The following ABCC5 variants were observed in gnomAD, a reference collection of about 807,000 sequenced individuals.
ABCC5 encodes the protein ATP-binding cassette sub-family C member 5.
ABCC5 carries 61 observed loss-of-function variants against 160.9 expected under a neutral mutation model. That is an observed-to-expected ratio of 0.38 (90% CI 0.31 to 0.47). The LOEUF (loss-of-function observed/expected upper bound fraction) is 0.47, where lower values mean the gene tolerates loss of function less well. ABCC5 is among the 20% of genes least tolerant of loss of function. The pLI is 0.99. For synonymous variants in ABCC5, 666 were observed against 700.6 expected (o/e 0.95, Z 0.78); for missense variants, 1,308 against 1,813.3 (o/e 0.72, Z 5.06).
chr3:183,968,167 C>G (rs1017550792), intron 11 of ABCC5, among the ~76,000 whole-genome samples: 2 of 152,026 alleles, frequency 1.3e-5, no homozygotes, highest in African/African-American at 4.8e-5. Flanking sequence ...CTTGCTCTGT[C>G]AACCAGGCTG....
chr3:183,945,623 A>T (rs1249832462), intron 24 of ABCC5, among the ~76,000 whole-genome samples: 1 of 152,234 alleles, frequency 6.6e-6, no homozygotes, highest in Admixed American at 6.5e-5. Flanking sequence ...ACATTCTGGA[A>T]ATTAGCCAAT....
chr3:183,922,953 A>G (rs1445209501), intron 29 of ABCC5, among the ~76,000 whole-genome samples: 1 of 152,066 alleles, frequency 6.6e-6, no homozygotes, highest in South Asian at 2.1e-4. Flanking sequence ...ACAAAAACCA[A>G]CCCATGTGGG....
At chr3:183,956,255 A>T (rs13097299) in intron 17 of ABCC5, among the ~76,000 whole-genome samples, 305 of 72,242 alleles carry the variant, frequency 4.2e-3, no homozygotes, top group South Asian at 4.9e-3. Flanking sequence ...TCCGTGTGTA[A>T]ATCACATCGG....
chr3:183,987,573 T>C lies in ABCC5; in HGVS notation c.591+197A>G. The C allele has an allele frequency of 1.4e-6, 1 of 703,952 alleles. No homozygotes were observed. Among genetic ancestry groups the C allele is most frequent in the Non-Finnish European group, 2.4e-6 (1 of 409,330 alleles). 43.6% of individuals were successfully genotyped at this position (703,952 alleles called of 1,614,324 possible). On this transcript the variant is annotated intron_variant, in intron 5 of 29. Transcript: ENST00000334444. The surrounding 1 kb of genome is among the most constrained non-coding windows in gnomAD (Gnocchi z 4.2). ...CACCCAGAAATCAAGCCAGTTCCAT[T>C]TCTTCTCTGGCAACACTGCCCTTTC...
At chr3:183,977,838 C>T (rs1028532385) in intron 9 of ABCC5, among the ~76,000 whole-genome samples, 1 of 152,072 alleles carries the variant, frequency 6.6e-6, no homozygotes, top group Non-Finnish European at 1.5e-5. Context: ...CTGCAACTTC[C>T]ACCTCCCAGG....
At chr3:183,934,130 A>AC (rs1713451274) in intron 26 of ABCC5, among the ~76,000 whole-genome samples, 3 of 152,184 alleles carry the variant, frequency 2.0e-5, no homozygotes, top group Non-Finnish European at 4.4e-5. Context: ...ACATGGTGAA[A>AC]CCCCGTCTCT....
intron 28 of ABCC5, among the ~76,000 whole-genome samples, 164 bp downstream of exon 28, chr3:183,927,166 C>G (rs1246715234): frequency 6.6e-6 from 1 of 152,160 alleles, no homozygotes; most frequent in Non-Finnish European, 1.5e-5. Context: ...TCCCCAGAAC[C>G]AATATACCCA....
At chr3:183,938,915 A>G (rs1323070457) in intron 25 of ABCC5, among the ~76,000 whole-genome samples, 2 of 152,242 alleles carry the variant, frequency 1.3e-5, no homozygotes, top group Admixed American at 1.3e-4. Flanking sequence ...CTACTGTGAT[A>G]GGAAACTATG....
At chr3:183,957,911 C>T (rs1199775414) in intron 17 of ABCC5, among the ~76,000 whole-genome samples, 3 of 148,882 alleles carry the variant, frequency 2.0e-5, no homozygotes, top group Non-Finnish European at 3.0e-5. Flanking sequence ...CATGCGGATC[C>T]GTGTGTATAT....
chr3:183,968,058 C>A (rs1717389371), intron 11 of ABCC5, among the ~76,000 whole-genome samples: 1 of 152,178 alleles, frequency 6.6e-6, no homozygotes, highest in African/African-American at 2.4e-5. Context: ...CTGCTGCTAA[C>A]CCATGTTCTT....
At chr3:184,012,393 G>C (rs9870759) in intron 2 of ABCC5, among the ~76,000 whole-genome samples, 1,625 of 152,204 alleles carry the variant, frequency 0.011, 31 homozygotes, top group African/African-American at 0.037. Flanking sequence ...CATTTATTGA[G>C]CACTGGCCAT....
At chr3:183,941,418 T>C (rs1440604018) in intron 25 of ABCC5, among the ~76,000 whole-genome samples, 1 of 152,174 alleles carries the variant, frequency 6.6e-6, no homozygotes, top group Non-Finnish European at 1.5e-5. Flanking sequence ...CAATGTCTTG[T>C]TTTGACGTGA....
rs191394050 is a variant in ABCC5 at position 183,982,010 on chromosome 3, A to G, written c.1000-136T>C. On this transcript the variant is annotated intron_variant, in intron 7 of 29. Coordinates refer to ENST00000334444, the MANE Select transcript of ABCC5 (RefSeq NM_005688.4). The surrounding 1 kb of genome is among the most constrained non-coding windows in gnomAD (Gnocchi z 5.2). ...GATGGGCCAAATGTTATGTAATCGT[A>G]CTGTCTTTAATAAAAGTGACCTATT... The G allele has an allele frequency of 3.0e-4, 269 of 889,650 alleles. No homozygotes were observed. The African/African-American group carries it at 4.0e-3, about 13-fold the overall frequency. The allele number at this position is 889,650 out of a possible 1,614,324, so 55.1% of individuals were successfully genotyped here. A position where few individuals can be genotyped will look rare whatever the true frequency, so the allele number is the denominator to read the frequency against.
At position 183,988,891 on chromosome 3, in the gene ABCC5, C is replaced by T. The variant is rs982017825; in HGVS notation, c.288-164G>A. Reference sequence around the variant, plus strand: ...TCTAAAACGGCTTTGATGGGCCGGGCGCGGTGGCTCACACCTGTAATCCCA... The same window carrying T: ...TCTAAAACGGCTTTGATGGGCCGGGTGCGGTGGCTCACACCTGTAATCCCA... On this transcript the variant is annotated intron_variant, in intron 3 of 29. Transcript: ENST00000334444. This position sits in a 1 kb window ranked among gnomAD's most constrained non-coding sequence, Gnocchi z 4.4. 6.6e-6 allele frequency among the ~76,000 whole-genome samples: 1 copy of T among 152,056 alleles called. No homozygotes were observed. Among genetic ancestry groups the T allele is most frequent in the South Asian group, 2.1e-4 (1 of 4,832 alleles).
intron 5 of ABCC5, chr3:183,985,181 AT>A: frequency 2.1e-6 from 2 of 950,018 alleles, no homozygotes; most frequent in South Asian, 3.2e-5. Context: ...TCCAACCAAA[AT>A]TTAGTTTTTA....
chr3:183,971,520 G>T (rs771131975), intron 11 of ABCC5, 43 bp downstream of exon 11: 4 of 1,565,000 alleles, frequency 2.6e-6, no homozygotes, highest in Non-Finnish European at 3.5e-6. Context: ...ATCAGCATGG[G>T]GTGGTGGGGT....
At chr3:183,925,840 CTT>C (rs1208671884) in intron 28 of ABCC5, 121 bp from the exon 29 acceptor site, 18,203 of 682,078 alleles carry the variant, frequency 0.027, no homozygotes, top group South Asian at 0.039. Flanking sequence ...TCTTTTCTTT[CTT>C]TTTTTTTTTT....
intron 17 of ABCC5, among the ~76,000 whole-genome samples, chr3:183,956,169 G>T (rs1391774714): frequency 2.1e-5 from 3 of 144,272 alleles, no homozygotes; most frequent in Non-Finnish European, 4.6e-5. Context: ...AATCACATCG[G>T]TTACATGCAG....
intron 25 of ABCC5, among the ~76,000 whole-genome samples, chr3:183,940,204 G>C (rs988644725): frequency 3.9e-5 from 6 of 151,982 alleles, no homozygotes; most frequent in African/African-American, 1.4e-4. Flanking sequence ...CTAGAAATGA[G>C]TGACTCCAGG....
Sources: gnomAD v4.1 joint callset for allele counts (sites outside exome capture counted in the v4.1 genomes callset) on GRCh38, gnomAD v4.1.1 for gene constraint, Gnocchi (gnomAD v3.1) non-coding constraint, MANE v1.5 for transcripts, NCBI Gene and HGNC (gene_info 2026-07-23, HGNC 2026-07-21) for gene names.